ESYT2: variants seen among roughly 807,000 people sequenced by gnomAD.
ESYT2 encodes extended synaptotagmin-2.
A neutral mutation model predicts 107.2 loss-of-function variants in ESYT2; 54 were observed. The observed-to-expected ratio is 0.50, with a 90% CI of 0.40 to 0.63. The LOEUF (loss-of-function observed/expected upper bound fraction) is 0.63. ESYT2 is among the 30% of genes least tolerant of loss of function. The pLI, the probability that ESYT2 is intolerant of heterozygous loss-of-function variation, is 0.00. For synonymous variants in ESYT2, 491 were observed against 434.1 expected, an observed-to-expected ratio of 1.13 and a Z score of -1.63; for missense variants, 1,020 against 1,094.5, an observed-to-expected ratio of 0.93 and a Z score of 0.96.
intron 1 of ESYT2, among the ~76,000 whole-genome samples, chr7:158,818,321 G>A (rs1348742872): frequency 6.6e-6 from 1 of 152,232 alleles, no homozygotes; most frequent in Non-Finnish European, 1.5e-5. Flanking sequence ...AGGCAAGGAA[G>A]AGGAGTGCCA....
At chr7:158,782,500 AGT>A (rs1327160515) in intron 6 of ESYT2, among the ~76,000 whole-genome samples, 2 of 150,272 alleles carry the variant, frequency 1.3e-5, no homozygotes, top group Admixed American at 6.6e-5. Context: ...GTGTGAAACA[AGT>A]GAGAACAAGT....
At chr7:158,764,564 A>G in intron 9 of ESYT2, 113 bp downstream of exon 9, 1 of 1,085,602 alleles carries the variant, frequency 9.2e-7, no homozygotes, top group Non-Finnish European at 1.3e-6. Flanking sequence ...GAACATTTAA[A>G]TGATGGCCTA....
At chr7:158,785,463 AAATAAAT>A (rs766918170) in intron 6 of ESYT2, among the ~76,000 whole-genome samples, 113 of 150,168 alleles carry the variant, frequency 7.5e-4, no homozygotes, top group Non-Finnish European at 1.0e-3. Context: ...ATAAATAAAT[AAATAAAT>A]AAATCACCTC....
At chr7:158,779,116 C>T (rs1450056564) in intron 6 of ESYT2, among the ~76,000 whole-genome samples, 2 of 152,212 alleles carry the variant, frequency 1.3e-5, no homozygotes, top group African/African-American at 4.8e-5. Context: ...CTAGATAAAA[C>T]TTCCTTAAGG....
chr7:158,757,760 T>TA lies in ESYT2; in HGVS notation c.1419+1725_1419+1726insT, dbSNP rs142835436. 6.1e-4 allele frequency among the ~76,000 whole-genome samples: 92 copies of TA among 151,146 alleles called. 2 individuals carry two copies. In the East Asian group the frequency reaches 0.016, roughly 26 times the overall value. On this transcript the variant is annotated intron_variant, in intron 13 of 22. Coordinates refer to ENST00000275418, the MANE Select transcript of ESYT2 (RefSeq NM_001367773.1). Reference sequence around the variant, plus strand: ...ATCAATACAGTCTCTCTGGGTTTTTTTTTTTTTGTTTTTTGTTTTTTTTGC... The same window carrying TA: ...ATCAATACAGTCTCTCTGGGTTTTTTATTTTTTTGTTTTTTGTTTTTTTTGC...
chr7:158,802,000 A>T (rs1839660467), intron 1 of ESYT2, among the ~76,000 whole-genome samples: 1 of 152,164 alleles, frequency 6.6e-6, no homozygotes, highest in Admixed American at 6.5e-5. Flanking sequence ...GCCTCGGGGG[A>T]ACAGGTAGAA....
rs12532679 is a variant in ESYT2, at chr7:158,772,584, A to G, written c.803+757T>C. ...AAAGCATTTAGAGGCTGTAATTTCA[A>G]AACTTCCTATTTGGAGGTGACCAAC... On this transcript the variant is annotated intron_variant, in intron 7 of 22. Transcript: ENST00000275418. Among the ~76,000 whole-genome samples, 519 of 152,308 alleles carry G rather than the reference A, an allele frequency of 3.4e-3. 7 individuals are homozygous for G. Among genetic ancestry groups the G allele is most frequent in the Middle Eastern group, 6.8e-3 (2 of 292 alleles).
intron 16 of ESYT2, among the ~76,000 whole-genome samples, chr7:158,746,943 T>C (rs968934361): frequency 1.3e-5 from 2 of 152,200 alleles, no homozygotes; most frequent in African/African-American, 2.4e-5. Context: ...TCCCAGCTAC[T>C]CCGGAGGCTG....
chr7:158,764,264 A>G (rs965718681), intron 9 of ESYT2, among the ~76,000 whole-genome samples: 3 of 152,158 alleles, frequency 2.0e-5, no homozygotes, highest in Admixed American at 6.5e-5. Flanking sequence ...GGTTATTAAA[A>G]ATCACGTAGA....
chr7:158,741,162 C>T (rs1369496948), intron 18 of ESYT2, among the ~76,000 whole-genome samples: 1 of 152,148 alleles, frequency 6.6e-6, no homozygotes, highest in East Asian at 1.9e-4. Flanking sequence ...GCCAGGGCTT[C>T]TCCAGTGGCC....
In ESYT2 at chr7:158,798,919, A is replaced by G. The variant is rs376682389; in HGVS notation, c.372+112T>C. The G allele has an allele frequency of 5.0e-5, 52 of 1,043,924 alleles. 1 individual carries two copies. The highest frequency in any genetic ancestry group is 3.9e-4 in the South Asian group (26 of 66,008). 64.7% of individuals were successfully genotyped at this position (1,043,924 alleles called of 1,614,324 possible). A position where few individuals can be genotyped will look rare whatever the true frequency, so the allele number is the denominator to read the frequency against. ...TTTGGGGACCAGAAGCCAACCCACT[A>G]AAGTCCAAACGAGCTCAAATATTAC... On this transcript the variant is annotated intron_variant, in intron 2 of 22. Coordinates refer to ENST00000275418, the MANE Select transcript of ESYT2 (RefSeq NM_001367773.1).
intron 21 of ESYT2, among the ~76,000 whole-genome samples, chr7:158,735,064 C>G (rs1332401677): frequency 6.6e-6 from 1 of 152,238 alleles, no homozygotes; most frequent in Non-Finnish European, 1.5e-5. Context: ...CATGTGCCCT[C>G]CATGGCAGCA....
At chr7:158,758,373 T>A (rs932553145) in intron 13 of ESYT2, among the ~76,000 whole-genome samples, 2 of 152,208 alleles carry the variant, frequency 1.3e-5, no homozygotes, top group African/African-American at 4.8e-5. Context: ...TATCGTGAAC[T>A]ATGAAGCGTA....
chr7:158,755,110 C>T (rs1335261920), intron 13 of ESYT2, among the ~76,000 whole-genome samples: 2 of 152,166 alleles, frequency 1.3e-5, no homozygotes, highest in African/African-American at 2.4e-5. Context: ...CGAAAAATTC[C>T]TATTGTCCTA....
chr7:158,801,601 G>A (rs1563029519), intron 1 of ESYT2, among the ~76,000 whole-genome samples: 1 of 119,196 alleles, frequency 8.4e-6, no homozygotes, highest in Non-Finnish European at 1.7e-5. Context: ...CAATCACACA[G>A]GAACACAGGA....
chr7:158,764,542 A>G, intron 9 of ESYT2, 135 bp downstream of exon 9: 1 of 914,416 alleles, frequency 1.1e-6, no homozygotes, highest in Non-Finnish European at 1.7e-6. Flanking sequence ...TAAAGATGGG[A>G]AATTAAACAA....
intron 20 of ESYT2, 95 bp from the exon 21 acceptor site, chr7:158,735,703 T>A (rs965336694): frequency 2.0e-6 from 2 of 1,014,220 alleles, no homozygotes; most frequent in Non-Finnish European, 3.0e-6. Flanking sequence ...TCATTCCAAA[T>A]GTCATGTTTG....
chr7:158,819,271 A>G (rs769886307), intron 1 of ESYT2, among the ~76,000 whole-genome samples: 5 of 152,238 alleles, frequency 3.3e-5, no homozygotes, highest in Non-Finnish European at 7.3e-5. Context: ...TATCATGTCT[A>G]ATGAGTTCAA....
intron 6 of ESYT2, among the ~76,000 whole-genome samples, chr7:158,778,130 A>T (rs1838637490): frequency 1.3e-5 from 2 of 152,260 alleles, no homozygotes; most frequent in South Asian, 4.1e-4. Context: ...CATAGTCTTA[A>T]TAGCATTAAG....
Sources: allele counts gnomAD v4.1 joint callset (sites outside exome capture counted in the v4.1 genomes callset), GRCh38; gene constraint gnomAD v4.1.1; transcripts MANE v1.5; gene names NCBI Gene and HGNC (gene_info 2026-07-23, HGNC 2026-07-21).